The following KCNT2 variants were observed in gnomAD, a reference collection of about 807,000 sequenced individuals.
KCNT2 encodes the protein potassium sodium-activated channel subfamily T member 2, also known as potassium channel subfamily T member 2.
A neutral mutation model predicts 153.8 loss-of-function variants in KCNT2; 67 were observed. The ratio of observed to expected loss-of-function variants is 0.44; its 90% CI spans 0.36 to 0.53. KCNT2 has a LOEUF of 0.53. Among genes scored for constraint, KCNT2 ranks in the 20% least tolerant of loss-of-function variants. KCNT2 has a pLI of 0.00. For synonymous variants in KCNT2, 500 were observed against 458.8 expected, an observed-to-expected ratio of 1.09 and a Z score of -1.15; for missense variants, 975 against 1,354.8, an observed-to-expected ratio of 0.72 and a Z score of 4.40.
chr1:196,384,091 T>C (rs115362879), intron 13 of KCNT2, among the ~76,000 whole-genome samples: 1,819 of 152,208 alleles, frequency 0.012, 34 homozygotes, highest in African/African-American at 0.041. Flanking sequence ...ACTAACTTGA[T>C]TGGGTAAATA....
At chr1:196,444,839 C>T (rs1467649482) in intron 8 of KCNT2, among the ~76,000 whole-genome samples, 1 of 151,296 alleles carries the variant, frequency 6.6e-6, no homozygotes, top group African/African-American at 2.4e-5. Context: ...GTGGTTCCTA[C>T]TGCCCCAAGC....
chr1:196,592,672 C>T (rs1281203058), intron 1 of KCNT2, among the ~76,000 whole-genome samples: 2 of 144,646 alleles, frequency 1.4e-5, no homozygotes, highest in Admixed American at 1.4e-4. Flanking sequence ...TATAGACATA[C>T]ATATATGTAT....
rs368008009 is a variant in KCNT2 at position 196,248,818 on chromosome 1, T to A, written c.3211+9376A>T. Among the ~76,000 whole-genome samples, 4 of 152,076 alleles carry A rather than the reference T, an allele frequency of 2.6e-5. No individual in the cohort carries two copies. In the East Asian group the frequency reaches 5.8e-4, roughly 22 times the overall value. On this transcript the variant is annotated intron_variant, in intron 26 of 27. Transcript: ENST00000294725. ...TTCTAAGAGGCCAGTATTACCTTGA[T>A]ACAAAAACCAAATAAAGATACATCG...
intron 3 of KCNT2, among the ~76,000 whole-genome samples, chr1:196,483,588 T>G (rs1014567890): frequency 3.9e-5 from 6 of 152,180 alleles, no homozygotes; most frequent in Admixed American, 6.5e-5. Flanking sequence ...CTACAAGCTC[T>G]TTTTACATTC....
intron 1 of KCNT2, among the ~76,000 whole-genome samples, chr1:196,539,075 T>C (rs910695099): frequency 1.3e-5 from 2 of 152,158 alleles, no homozygotes; most frequent in African/African-American, 4.8e-5. Flanking sequence ...AAATACCTTC[T>C]CGAAGACAGA....
At chr1:196,578,316 G>T (rs952930197) in intron 1 of KCNT2, among the ~76,000 whole-genome samples, 5 of 152,134 alleles carry the variant, frequency 3.3e-5, no homozygotes, top group African/African-American at 1.2e-4. Context: ...ACAACAAGAA[G>T]CACCTCAGTA....
intron 1 of KCNT2, among the ~76,000 whole-genome samples, chr1:196,511,997 T>C (rs879297213): frequency 2.6e-5 from 4 of 152,162 alleles, no homozygotes; most frequent in Non-Finnish European, 5.9e-5. Context: ...TCTTATACTT[T>C]CTTTAACCAA....
chr1:196,453,608 TTCCTTCC>T (rs1676404741), intron 8 of KCNT2, among the ~76,000 whole-genome samples: 1 of 151,948 alleles, frequency 6.6e-6, no homozygotes, highest in African/African-American at 2.4e-5. Flanking sequence ...ACATTAATCT[TTCCTTCC>T]TCCACTTCTT....
At chr1:196,239,601 T>C (rs1654763790) in intron 26 of KCNT2, among the ~76,000 whole-genome samples, 1 of 152,024 alleles carries the variant, frequency 6.6e-6, no homozygotes, top group African/African-American at 2.4e-5. Context: ...TACTTTCATA[T>C]TTTTGTTTTG....
intron 21 of KCNT2, among the ~76,000 whole-genome samples, chr1:196,307,864 G>A (rs932965055): frequency 2.6e-5 from 4 of 151,990 alleles, no homozygotes; most frequent in Admixed American, 1.3e-4. Flanking sequence ...ACTCCATCTG[G>A]TAGGCCTGGG....
intron 13 of KCNT2, among the ~76,000 whole-genome samples, chr1:196,393,199 A>C (rs934867284): frequency 6.6e-6 from 1 of 151,322 alleles, no homozygotes; most frequent in African/African-American, 2.4e-5. Context: ...CTTTACTCCT[A>C]CTTGTGAGTG....
chr1:196,571,299 A>G (rs1660751065), intron 1 of KCNT2, among the ~76,000 whole-genome samples: 1 of 152,128 alleles, frequency 6.6e-6, no homozygotes, highest in African/African-American at 2.4e-5. Context: ...AGGCAGCATG[A>G]GACAAGAACT....
chr1:196,394,915 AT>A lies in KCNT2; in HGVS notation c.1294+3647del, dbSNP rs1255475944. 2.6e-5 allele frequency among the ~76,000 whole-genome samples: 4 copies of A among 151,026 alleles called. 1 individual carries two copies. The South Asian group carries it at 6.2e-4, about 23-fold the overall frequency. ...TTTTAATATGTGATTATTAAATATAATTTTTTCTTGGTTATTTTGAAGATAA... is the reference window on the plus strand; with the variant it reads ...TTTTAATATGTGATTATTAAATATAATTTTTCTTGGTTATTTTGAAGATAA... On this transcript the variant is annotated intron_variant, in intron 13 of 27. Transcript: ENST00000294725.
At chr1:196,392,955 T>A (rs1270274490) in intron 13 of KCNT2, among the ~76,000 whole-genome samples, 3 of 151,156 alleles carry the variant, frequency 2.0e-5, no homozygotes, top group Non-Finnish European at 4.4e-5. Context: ...TCTGGTATAA[T>A]GTTGCATTCT....
intron 1 of KCNT2, among the ~76,000 whole-genome samples, chr1:196,586,419 A>G (rs1662683960): frequency 6.6e-6 from 1 of 152,142 alleles, no homozygotes; most frequent in Non-Finnish European, 1.5e-5. Flanking sequence ...AACTATCAGT[A>G]ATATTATTAA....
At chr1:196,486,935 T>G (rs1039499832) in intron 3 of KCNT2, among the ~76,000 whole-genome samples, 4 of 151,884 alleles carry the variant, frequency 2.6e-5, no homozygotes, top group African/African-American at 9.7e-5. Context: ...TTAGAAAGAC[T>G]TTTCGGTATT....
At chr1:196,403,888 T>C (rs1446582678) in intron 12 of KCNT2, among the ~76,000 whole-genome samples, 1 of 151,646 alleles carries the variant, frequency 6.6e-6, no homozygotes, top group East Asian at 1.9e-4. Context: ...TACAGAAGTT[T>C]TGGTTATTGT....
intron 1 of KCNT2, among the ~76,000 whole-genome samples, chr1:196,591,965 A>G (rs1300576844): frequency 6.6e-6 from 1 of 152,174 alleles, no homozygotes; most frequent in Admixed American, 6.6e-5. Context: ...AAGTACTAGA[A>G]TTTCTTTCCT....
Position 196,306,528 on chromosome 1 carries a change from A to T in KCNT2, c.2484-1183T>A, listed in dbSNP as rs535970751. ...CCTCAGGTCCAACTCTGGAAGGTTG[A>T]TGGATGATTTGCCAGGAATGCTCCC... On this transcript the variant is annotated intron_variant, in intron 21 of 27. Coordinates refer to ENST00000294725, the MANE Select transcript of KCNT2 (RefSeq NM_198503.5). Among the ~76,000 whole-genome samples, 4 of 152,166 alleles carry T rather than the reference A, an allele frequency of 2.6e-5. No individual in the cohort carries two copies. In the South Asian group the frequency reaches 8.3e-4, roughly 32 times the overall value.
Sources: allele counts gnomAD v4.1 joint callset (sites outside exome capture counted in the v4.1 genomes callset), GRCh38; gene constraint gnomAD v4.1.1; transcripts MANE v1.5; gene names NCBI Gene and HGNC (gene_info 2026-07-23, HGNC 2026-07-21).